ZNF407: variants seen among roughly 807,000 people sequenced by gnomAD.
ZNF407 encodes zinc finger protein 407.
ZNF407 carries 17 observed loss-of-function variants against 131.2 expected under a neutral mutation model. That is an observed-to-expected ratio of 0.13 (90% confidence interval 0.09 to 0.19). ZNF407 has a LOEUF of 0.19. Among genes scored for constraint, ZNF407 ranks in the 10% least tolerant of loss-of-function variants. The pLI is 1.00. For missense variants in ZNF407, 2,681 were observed against 2,830.6 expected, an observed-to-expected ratio of 0.95 and a Z score of 1.20; for synonymous variants, 1,156 against 1,062.0, an observed-to-expected ratio of 1.09 and a Z score of -1.72.
intron 4 of ZNF407, among the ~76,000 whole-genome samples, chr18:74,861,789 TA>T (rs1467128976): frequency 6.6e-6 from 1 of 152,208 alleles, no homozygotes; most frequent in Non-Finnish European, 1.5e-5. Flanking sequence ...GTTTTTCATT[TA>T]AAAAATATTT....
chr18:74,778,672 A>G (rs1374400425), intron 3 of ZNF407, among the ~76,000 whole-genome samples: 3 of 152,168 alleles, frequency 2.0e-5, no homozygotes, highest in Non-Finnish European at 4.4e-5. Context: ...TCCACAGAGG[A>G]GTGGCTAGTC....
At chr18:74,744,361 T>A (rs1424699039) in intron 3 of ZNF407, among the ~76,000 whole-genome samples, 1 of 152,166 alleles carries the variant, frequency 6.6e-6, no homozygotes, top group African/African-American at 2.4e-5. Flanking sequence ...CTAGTCAACT[T>A]TTCTTTGTGC....
intron 3 of ZNF407, among the ~76,000 whole-genome samples, chr18:74,688,163 G>T (rs1967138951): frequency 1.3e-5 from 2 of 152,036 alleles, no homozygotes; most frequent in Non-Finnish European, 2.9e-5. Flanking sequence ...TTATAGTTAT[G>T]CTCTCAGCAG....
At chr18:74,725,356 T>G (rs1232562699) in intron 3 of ZNF407, among the ~76,000 whole-genome samples, 1 of 152,250 alleles carries the variant, frequency 6.6e-6, no homozygotes, top group Non-Finnish European at 1.5e-5. Context: ...TGCCCAGGCT[T>G]GCCTGATTGT....
intron 3 of ZNF407, among the ~76,000 whole-genome samples, chr18:74,663,464 C>T (rs914319898): frequency 8.6e-5 from 13 of 151,770 alleles, no homozygotes; most frequent in African/African-American, 2.2e-4. Context: ...AATTTGGGGC[C>T]GAAACTAAGG....
chr18:74,645,970 A>G (rs1160689400), intron 3 of ZNF407, among the ~76,000 whole-genome samples: 2 of 152,214 alleles, frequency 1.3e-5, no homozygotes, highest in Non-Finnish European at 2.9e-5. Context: ...CTCTAATGGT[A>G]CAAGTCATTT....
chr18:74,868,130 A>T (rs891187850), intron 4 of ZNF407, among the ~76,000 whole-genome samples: 4 of 152,244 alleles, frequency 2.6e-5, no homozygotes, highest in Admixed American at 1.3e-4. Context: ...TTCCATTGAC[A>T]TGCAAAGGAA....
intron 8 of ZNF407, among the ~76,000 whole-genome samples, chr18:74,994,412 A>ATT (rs1435044847): frequency 5.3e-5 from 8 of 152,258 alleles, no homozygotes; most frequent in Non-Finnish European, 1.2e-4. Context: ...GTTGTGTCAA[A>ATT]GGGCTGTTTG....
chr18:75,017,075 A>G (rs1973053479), intron 8 of ZNF407, among the ~76,000 whole-genome samples: 1 of 152,148 alleles, frequency 6.6e-6, no homozygotes, highest in South Asian at 2.1e-4. Flanking sequence ...CTTTCCATAA[A>G]TACTTATTGA....
chr18:74,773,229 A>G (rs1340458869), intron 3 of ZNF407, among the ~76,000 whole-genome samples: 2 of 152,354 alleles, frequency 1.3e-5, no homozygotes, highest in South Asian at 2.1e-4. Flanking sequence ...CGACAATAGT[A>G]TGAAAGAGGA....
chr18:74,733,022 C>A (rs546245482), intron 3 of ZNF407, among the ~76,000 whole-genome samples: 58 of 152,116 alleles, frequency 3.8e-4, no homozygotes, highest in Middle Eastern at 7.1e-3. Flanking sequence ...ATTGGAGTTA[C>A]ACATAGACAT....
At chr18:74,975,224 G>T (rs755740026) in intron 8 of ZNF407, among the ~76,000 whole-genome samples, 2 of 152,184 alleles carry the variant, frequency 1.3e-5, no homozygotes, top group Non-Finnish European at 2.9e-5. Flanking sequence ...TATTACCCAC[G>T]TGAGTCTGAT....
intron 4 of ZNF407, among the ~76,000 whole-genome samples, chr18:74,797,763 A>G (rs944151872): frequency 3.3e-5 from 5 of 151,618 alleles, no homozygotes; most frequent in Admixed American, 2.0e-4. Context: ...CCAGGCTGCT[A>G]TTGGTGCCTT....
At chr18:74,600,279 A>G (rs1982523259) in intron 1 of ZNF407, among the ~76,000 whole-genome samples, 1 of 152,220 alleles carries the variant, frequency 6.6e-6, no homozygotes, top group Non-Finnish European at 1.5e-5. Flanking sequence ...GCAGCAACCA[A>G]AAGAGGCTGG....
At chr18:75,000,665 T>C (rs1972834444) in intron 8 of ZNF407, among the ~76,000 whole-genome samples, 1 of 151,520 alleles carries the variant, frequency 6.6e-6, no homozygotes, top group Non-Finnish European at 1.5e-5. Flanking sequence ...CATCTATTTT[T>C]AATCTTTCAT....
chr18:74,717,874 TA>T (rs1967933124), intron 3 of ZNF407, among the ~76,000 whole-genome samples: 1 of 152,208 alleles, frequency 6.6e-6, no homozygotes, highest in Non-Finnish European at 1.5e-5. Flanking sequence ...ATATCTGTGA[TA>T]AAAAAATTTC....
At position 74,633,077 on chromosome 18, in the gene ZNF407, T is replaced by G; in HGVS notation, c.2058T>G (p.Pro686=). The change falls in exon 2 of 9, where the codon CCT becomes CCG. Residue 686 remains proline, a synonymous_variant. Coordinates refer to ENST00000299687, the MANE Select transcript of ZNF407 (RefSeq NM_017757.3). ...DDSGKASQEE[P]LKSRVSHGNE... ...CAGGAAAAGCATCTCAGGAAGAACCTCTGAAGTCCAGGGTAAGCCATGGTA... is the reference window on the plus strand; with the variant it reads ...CAGGAAAAGCATCTCAGGAAGAACCGCTGAAGTCCAGGGTAAGCCATGGTA... 6.2e-7 allele frequency: 1 copy of G among 1,613,926 alleles called. No homozygotes were observed.
intron 7 of ZNF407, among the ~76,000 whole-genome samples, chr18:74,919,180 T>G (rs1488627076): frequency 1.3e-5 from 2 of 152,080 alleles, no homozygotes; most frequent in African/African-American, 2.4e-5. Flanking sequence ...TCGTCAGGAG[T>G]GGATAGATAC....
At chr18:74,866,864 T>A (rs1015025157) in intron 4 of ZNF407, among the ~76,000 whole-genome samples, 1 of 148,634 alleles carries the variant, frequency 6.7e-6, no homozygotes, top group African/African-American at 2.5e-5. Flanking sequence ...TGATATTTAG[T>A]GTAAAAGTGG....
Sources: gnomAD v4.1 joint callset for allele counts (sites outside exome capture counted in the v4.1 genomes callset) on GRCh38, gnomAD v4.1.1 for gene constraint, MANE v1.5 for transcripts, NCBI Gene and HGNC (gene_info 2026-07-23, HGNC 2026-07-21) for gene names.